Variants in XDH observed in about 807,000 individuals in gnomAD.
XDH encodes xanthine dehydrogenase/oxidase.
Under a neutral mutation model 156.1 loss-of-function variants are expected in XDH, and 138 were observed. The ratio of observed to expected loss-of-function variants is 0.88; its 90% CI spans 0.77 to 1.02. The LOEUF is 1.02. XDH is among the 50% of genes least tolerant of loss of function. The pLI is 0.00. For synonymous variants in XDH, 669 were observed against 625.7 expected, an observed-to-expected ratio of 1.07 and a Z score of -1.03; for missense variants, 1,849 against 1,684.9, an observed-to-expected ratio of 1.10 and a Z score of -1.71.
At chr2:31,337,896 A>G in intron 34 of XDH, 79 bp from the exon 35 acceptor site, 1 of 1,523,136 alleles carries the variant, frequency 6.6e-7, no homozygotes, top group South Asian at 1.2e-5. Context: ...CTAGGAGGCC[A>G]GGCAGCAAAC....
In XDH at chr2:31,365,537, G is replaced by A. The variant is rs762164683; in HGVS notation, c.2464C>T (p.Arg822Cys). Residue 822 changes from arginine to cysteine, a missense_variant, in exon 23 of 36, where the codon CGC (arginine) becomes TGC (cysteine). Transcript: ENST00000379416. Reference protein sequence around the residue: ...AVALAAYKTGRPVRCMLDRDE... With the variant: ...AVALAAYKTGCPVRCMLDRDE... ...CGGTCCAGCATGCATCGCACAGGGCGGCCGGTCCTGGGGGTTACCGACAGT... is the reference window on the plus strand; with the variant it reads ...CGGTCCAGCATGCATCGCACAGGGCAGCCGGTCCTGGGGGTTACCGACAGT... 43 of 1,614,008 alleles carry A rather than the reference G, an allele frequency of 2.7e-5. No individual in the cohort carries two copies. The highest frequency in any genetic ancestry group is 2.4e-4 in the South Asian group (22 of 91,078).
chr2:31,347,276 C>T (rs1363868430), intron 29 of XDH, among the ~76,000 whole-genome samples: 1 of 152,220 alleles, frequency 6.6e-6, no homozygotes, highest in African/African-American at 2.4e-5. Flanking sequence ...TCTGCTTTCC[C>T]TCGGTATCCT....
At chr2:31,371,192 C>G (rs1036054940) in intron 17 of XDH, among the ~76,000 whole-genome samples, 42 of 152,130 alleles carry the variant, frequency 2.8e-4, no homozygotes, top group Admixed American at 2.7e-3. Flanking sequence ...ACTCATCACA[C>G]TGGCACATGC....
chr2:31,383,050 A>G lies in XDH; in HGVS notation c.989T>C (p.Val330Ala). Reference protein sequence around the residue: ...PAQKTEVFRGVLEQLRWFAGK... With the variant: ...PAQKTEVFRGALEQLRWFAGK... Reference sequence around the variant, plus strand: ...AGCAAACCAGCGCAGCTGCTCCAGGACCCCTCTGAACACCTCTGTCTTTTG... The same window carrying G: ...AGCAAACCAGCGCAGCTGCTCCAGGGCCCCTCTGAACACCTCTGTCTTTTG... The change falls in exon 11 of 36, where the codon GTC becomes GCC. Residue 330 changes from valine (V) to alanine (A), a missense_variant. Coordinates refer to ENST00000379416, the MANE Select transcript of XDH (RefSeq NM_000379.4). 6.2e-7 allele frequency: 1 copy of G among 1,613,838 alleles called. No homozygotes were observed. Among genetic ancestry groups the G allele is most frequent in the South Asian group, 1.1e-5 (1 of 91,054 alleles).
At chr2:31,339,445 C>T in intron 34 of XDH, 44 bp downstream of exon 34, 3 of 1,612,696 alleles carry the variant, frequency 1.9e-6, no homozygotes, top group Middle Eastern at 2.0e-4. Context: ...GGGCCTCCCC[C>T]AGGGCAGATC....
At chr2:31,380,288 G>A (rs1686402888) in intron 12 of XDH, among the ~76,000 whole-genome samples, 1 of 152,210 alleles carries the variant, frequency 6.6e-6, no homozygotes, top group Non-Finnish European at 1.5e-5. Context: ...GTGAAGCTGG[G>A]AAGAAGGCAG....
intron 13 of XDH, among the ~76,000 whole-genome samples, chr2:31,379,614 G>T (rs1686375335): frequency 1.3e-5 from 2 of 152,150 alleles, no homozygotes; most frequent in Admixed American, 1.3e-4. Context: ...AAGGTGAAAT[G>T]GCTCACTCAG....
At chr2:31,400,461 G>C (rs905029197) in intron 4 of XDH, among the ~76,000 whole-genome samples, 11 of 152,000 alleles carry the variant, frequency 7.2e-5, no homozygotes, top group Admixed American at 7.2e-4. Context: ...GGATAGTCTC[G>C]ATCTCCCAAA....
intron 5 of XDH, 54 bp from the exon 6 acceptor site, chr2:31,397,783 G>C: frequency 6.2e-7 from 1 of 1,607,510 alleles, no homozygotes; most frequent in Non-Finnish European, 8.5e-7. Flanking sequence ...GGATGGGTGA[G>C]GAGTTTGTGA....
At chr2:31,343,323 T>TGC (rs1685183951) in intron 31 of XDH, among the ~76,000 whole-genome samples, 1 of 133,640 alleles carries the variant, frequency 7.5e-6, no homozygotes, top group Admixed American at 7.7e-5. Flanking sequence ...TATATATATA[T>TGC]ATATGCATGT....
intron 24 of XDH, among the ~76,000 whole-genome samples, chr2:31,357,576 G>A (rs1305300718): frequency 2.0e-5 from 3 of 151,992 alleles, no homozygotes; most frequent in Admixed American, 1.3e-4. Context: ...AGGATAAAAT[G>A]GGGATGGTTA....
chr2:31,372,254 G>T lies in XDH; in HGVS notation c.1830C>A (p.Thr610=). The part of the protein sequence containing the change: ...YENELSLRLV[T]STRAHAKIKS... Reference sequence around the variant, plus strand: ...TGATCTTGGCGTGGGCCCGGGTGCTGGTGACCAGCCGGAGAGACAGCTCAT... The same window carrying T: ...TGATCTTGGCGTGGGCCCGGGTGCTTGTGACCAGCCGGAGAGACAGCTCAT... The change falls in exon 17 of 36, where the codon ACC becomes ACA. Residue 610 remains threonine (T), a synonymous_variant. Transcript: ENST00000379416. The T allele has an allele frequency of 1.9e-6, 3 of 1,614,250 alleles. No homozygotes were observed. The highest frequency in any genetic ancestry group is 2.5e-6 in the Non-Finnish European group (3 of 1,180,042).
intron 18 of XDH, among the ~76,000 whole-genome samples, chr2:31,369,153 A>G (rs1274735828): frequency 6.6e-6 from 1 of 152,028 alleles, no homozygotes; most frequent in Non-Finnish European, 1.5e-5. Context: ...CCAGATTTAT[A>G]CCAAAAGCTT....
At chr2:31,361,890 C>A (rs1368149589) in intron 24 of XDH, among the ~76,000 whole-genome samples, 1 of 152,054 alleles carries the variant, frequency 6.6e-6, no homozygotes, top group Non-Finnish European at 1.5e-5. Flanking sequence ...AGGAATAATA[C>A]GGTCTCTCTG....
chr2:31,363,984 C>T (rs951634902), intron 24 of XDH, among the ~76,000 whole-genome samples, 174 bp downstream of exon 24: 5 of 152,066 alleles, frequency 3.3e-5, no homozygotes, highest in Non-Finnish European at 7.4e-5. Flanking sequence ...AGAAATAATA[C>T]GATCATCATT....
At chr2:31,363,469 A>G (rs1685831266) in intron 24 of XDH, among the ~76,000 whole-genome samples, 1 of 152,238 alleles carries the variant, frequency 6.6e-6, no homozygotes, top group Non-Finnish European at 1.5e-5. Flanking sequence ...TGGAATGGTA[A>G]TGGGAATGAC....
chr2:31,349,636 T>C (rs774977543), intron 26 of XDH, 50 bp downstream of exon 26: 1 of 1,613,398 alleles, frequency 6.2e-7, no homozygotes, highest in Admixed American at 1.7e-5. Context: ...AGAAAGGCTG[T>C]AGGATATGAA....
At chr2:31,376,724 T>C (rs1268545393) in intron 14 of XDH, among the ~76,000 whole-genome samples, 1 of 149,806 alleles carries the variant, frequency 6.7e-6, no homozygotes, top group African/African-American at 2.4e-5. Flanking sequence ...ACAGTAGTAA[T>C]TTTAGTAGAA....
chr2:31,372,490 C>A, intron 16 of XDH, 93 bp from the exon 17 acceptor site: 1 of 1,541,176 alleles, frequency 6.5e-7, no homozygotes, highest in Non-Finnish European at 8.9e-7. Flanking sequence ...TGCTACATGG[C>A]AAAGGACACC....
Sources: gnomAD v4.1 joint callset for allele counts (sites outside exome capture counted in the v4.1 genomes callset) on GRCh38, gnomAD v4.1.1 for gene constraint, MANE v1.5 for transcripts, NCBI Gene and HGNC (gene_info 2026-07-23, HGNC 2026-07-21) for gene names.